Variants in ART3 observed in about 807,000 individuals in gnomAD.
ART3 encodes ecto-ADP-ribosyltransferase 3.
In ART3, 49 loss-of-function variants were observed where a neutral mutation model predicts 48.5. The observed-to-expected ratio is 1.01, with a 90% CI of 0.80 to 1.28. The LOEUF is 1.28. Ranked by LOEUF, ART3 falls within the 50% of genes most tolerant of loss-of-function variation. The probability of loss-of-function intolerance (pLI) is 0.00; values close to 1 mark genes in which losing one functional copy is unlikely to be tolerated. For synonymous variants in ART3, 145 were observed against 157.2 expected, an observed-to-expected ratio of 0.92 and a Z score of 0.58; for missense variants, 438 against 454.3, an observed-to-expected ratio of 0.96 and a Z score of 0.33.
rs1470205992 is a variant in ART3 at position 76,074,814 on chromosome 4, A to C, written c.-15A>C. ...CTTAAACTTCCTCCAAAGGCACAAA[A>C]GCCAGGTAAACCTTTTGACTTATTT... On this transcript the variant is annotated 5_prime_UTR_variant, in exon 1 of 12. Coordinates refer to ENST00000355810, the MANE Select transcript of ART3 (RefSeq NM_001130016.3). 6.6e-6 allele frequency: 1 copy of C among 152,178 alleles called. No homozygotes were observed. The highest frequency in any genetic ancestry group is 1.5e-5 in the Non-Finnish European group (1 of 68,018). The allele number at this position is 152,178 out of a possible 1,614,324, so 9.4% of individuals were successfully genotyped here. A position where few individuals can be genotyped will look rare whatever the true frequency, so the allele number is the denominator to read the frequency against.
At chr4:76,089,978 G>A (rs1040619203) in intron 3 of ART3, among the ~76,000 whole-genome samples, 9 of 152,162 alleles carry the variant, frequency 5.9e-5, no homozygotes, top group Non-Finnish European at 1.2e-4. Flanking sequence ...TACTCGGGAG[G>A]CTGAGGCAGG....
intron 11 of ART3, among the ~76,000 whole-genome samples, chr4:76,109,059 A>T (rs377000742): frequency 6.6e-6 from 1 of 152,316 alleles, no homozygotes. Context: ...CAGAGGCTAC[A>T]CTAAATTCAT....
chr4:76,089,163 T>C (rs967734324), intron 3 of ART3, among the ~76,000 whole-genome samples: 6 of 152,256 alleles, frequency 3.9e-5, no homozygotes, highest in African/African-American at 1.4e-4. Context: ...TCACAGCTTC[T>C]CAGACCCTGG....
At chr4:76,049,057 G>T (rs1011391088) in intron 1 of ART3, among the ~76,000 whole-genome samples, 2 of 151,922 alleles carry the variant, frequency 1.3e-5, no homozygotes, top group South Asian at 2.1e-4. Context: ...AATAGCTTTT[G>T]TTAGGCCTGT....
At chr4:76,080,699 T>C (rs140367060) in intron 2 of ART3, among the ~76,000 whole-genome samples, 1,709 of 149,466 alleles carry the variant, frequency 0.011, 15 homozygotes, top group Middle Eastern at 0.024. Context: ...TTAGTAGAGA[T>C]GGGGTTTCAT....
rs576072030 is a variant in ART3 at position 76,106,697 on chromosome 4, T to A, written c.1004-1064T>A. ...GGCCCACTGTTTTACTGGGGCCCAC[T>A]GTATGAGGGCGAAGTTTGGGAGTTA... On this transcript the variant is annotated intron_variant, in intron 10 of 11. Transcript: ENST00000355810. Among the ~76,000 whole-genome samples the A allele has an allele frequency of 1.4e-4, 22 of 152,314 alleles. No homozygotes were observed. In the East Asian group the frequency reaches 4.2e-3, roughly 29 times the overall value.
In ART3 at chr4:76,106,850, A is replaced by G. The variant is rs117384788; in HGVS notation, c.1004-911A>G. 1.2e-3 allele frequency among the ~76,000 whole-genome samples: 185 copies of G among 152,150 alleles called. 2 individuals carry two copies. The East Asian group carries it at 0.028, about 23-fold the overall frequency. On this transcript the variant is annotated intron_variant, in intron 10 of 11. Transcript: ENST00000355810. ...TTGAAATGCATGAGGCTAGAAAGGGAGCTCGAATTTAAAGTGGTGGTGTTT... is the reference window on the plus strand; with the variant it reads ...TTGAAATGCATGAGGCTAGAAAGGGGGCTCGAATTTAAAGTGGTGGTGTTT...
In ART3 at chr4:76,082,331, G is replaced by C; in HGVS notation, c.577G>C (p.Ala193Pro). ...FTLAYSAKPQ[A>P]ANDQLTVLSI... ...CTTGGCATATTCAGCCAAACCTCAGGCTGCTAATGACCAGCTCACTGTGTT... is the reference window on the plus strand; with the variant it reads ...CTTGGCATATTCAGCCAAACCTCAGCCTGCTAATGACCAGCTCACTGTGTT... Residue 193 changes from alanine to proline, a missense_variant, in exon 3 of 12, where the codon GCT (alanine) becomes CCT (proline). Physicochemically the swap from Ala to Pro is conservative, Grantham distance 27. Transcript: ENST00000355810. 6.2e-7 allele frequency: 1 copy of C among 1,614,148 alleles called. No homozygotes were observed. Among genetic ancestry groups the C allele is most frequent in the East Asian group, 2.2e-5 (1 of 44,886 alleles).
intron 1 of ART3, among the ~76,000 whole-genome samples, chr4:76,028,310 G>A (rs1733591747): frequency 6.6e-6 from 1 of 152,094 alleles, no homozygotes; most frequent in Admixed American, 6.5e-5. Context: ...TTTTTGCAAC[G>A]TTTATGGTAT....
Position 76,048,711 on chromosome 4 carries a change from G to A in ART3, c.-9-27170G>A, listed in dbSNP as rs189848054. 1.4e-4 allele frequency among the ~76,000 whole-genome samples: 22 copies of A among 152,076 alleles called. 1 individual carries two copies. The highest frequency in any genetic ancestry group is 1.0e-3 in the Admixed American group (16 of 15,268). On this transcript the variant is annotated intron_variant, in intron 1 of 9. Transcript: ENST00000341029. ...TTCCTCCCAGACCACATGGAGGACT[G>A]AGGAAGGTCGGATTTAGTGGTCCTT...
chr4:76,100,647 A>AC, intron 6 of ART3, 148 bp from the exon 7 acceptor site: 1 of 958,354 alleles, frequency 1.0e-6, no homozygotes, highest in Non-Finnish European at 1.6e-6. Context: ...AAAAAAAAAA[A>AC]ATTCTGGGGG....
intron 1 of ART3, among the ~76,000 whole-genome samples, chr4:76,017,905 T>C (rs1732409281): frequency 6.6e-6 from 1 of 152,242 alleles, no homozygotes; most frequent in Non-Finnish European, 1.5e-5. Context: ...TATCTTTCTG[T>C]GCCTCATGGC....
At chr4:76,011,217 C>T (rs1458047533) in exon 1 of ART3, 3 of 152,506 alleles carry the variant, frequency 2.0e-5, no homozygotes, top group African/African-American at 4.8e-5. Context: ...AGGTTATACC[C>T]GGAGGTCTCG....
At chr4:76,034,917 G>T (rs1417644573) in intron 1 of ART3, 1 of 1,343,224 alleles carries the variant, frequency 7.4e-7, no homozygotes, top group East Asian at 2.3e-5. Flanking sequence ...TACAACCAAG[G>T]ACCCCTTAAC....
chr4:76,056,674 T>C (rs562842194), intron 1 of ART3, among the ~76,000 whole-genome samples: 1 of 152,268 alleles, frequency 6.6e-6, no homozygotes, highest in South Asian at 2.1e-4. Context: ...GAGAAAGAAA[T>C]GTATTCCTGA....
chr4:76,049,546 G>A (rs915203396), intron 1 of ART3, among the ~76,000 whole-genome samples: 2 of 151,960 alleles, frequency 1.3e-5, no homozygotes, highest in Non-Finnish European at 2.9e-5. Context: ...GGTTGTTAGA[G>A]AGCCCTTTCC....
intron 8 of ART3, 150 bp downstream of exon 8, chr4:76,101,169 G>A: frequency 1.2e-6 from 1 of 868,380 alleles, no homozygotes; most frequent in South Asian, 1.9e-5. Flanking sequence ...AGACTCTCCT[G>A]GGTTTCAGGT....
chr4:76,025,889 C>G (rs56039229), intron 1 of ART3, among the ~76,000 whole-genome samples: 10 of 151,920 alleles, frequency 6.6e-5, no homozygotes, highest in Non-Finnish European at 1.3e-4. Flanking sequence ...CATATGCTTT[C>G]ATTTTGTGGG....
chr4:76,067,244 G>A (rs1041465575), intron 1 of ART3, among the ~76,000 whole-genome samples: 1 of 152,262 alleles, frequency 6.6e-6, no homozygotes, highest in Non-Finnish European at 1.5e-5. Flanking sequence ...AAGTTGTCAT[G>A]ATAGAATTCC....
Sources: gnomAD v4.1 joint callset for allele counts (sites outside exome capture counted in the v4.1 genomes callset) on GRCh38, gnomAD v4.1.1 for gene constraint, MANE v1.5 for transcripts, NCBI Gene and HGNC (gene_info 2026-07-23, HGNC 2026-07-21) for gene names.